Variants in RNFT2 observed in about 807,000 individuals in gnomAD.
RNFT2 encodes ring finger protein, transmembrane 2, also known as E3 ubiquitin-protein ligase RNFT2.
Under a neutral mutation model 53.0 loss-of-function variants are expected in RNFT2, and 36 were observed. The observed-to-expected ratio is 0.68, with a 90% CI of 0.52 to 0.90. The LOEUF (loss-of-function observed/expected upper bound fraction) is 0.90, where lower values mean the gene tolerates loss of function less well. Among genes scored for constraint, RNFT2 ranks in the 40% least tolerant of loss-of-function variants. The pLI is 0.00. For missense variants in RNFT2, 514 were observed against 585.6 expected, an observed-to-expected ratio of 0.88 and a Z score of 1.26; for synonymous variants, 260 against 253.2, an observed-to-expected ratio of 1.03 and a Z score of -0.26.
chr12:116,776,297 G>C (rs1229609311), intron 6 of RNFT2, among the ~76,000 whole-genome samples: 2 of 152,082 alleles, frequency 1.3e-5, no homozygotes, highest in African/African-American at 4.8e-5. Flanking sequence ...AGATAAAATG[G>C]AAAGGATAAG....
intron 7 of RNFT2, among the ~76,000 whole-genome samples, chr12:116,829,443 C>G (rs1432925707): frequency 6.6e-6 from 1 of 152,104 alleles, no homozygotes; most frequent in African/African-American, 2.4e-5. Context: ...AAGGAGGGCC[C>G]TTTGGGAAAC....
chr12:116,767,038 C>T (rs1051368325), intron 6 of RNFT2, 124 bp downstream of exon 6: 1 of 641,448 alleles, frequency 1.6e-6, no homozygotes, highest in Admixed American at 2.4e-5. Context: ...CCAAATTCCA[C>T]CCTGCTGTTA....
At chr12:116,780,268 C>A (rs1239020914) in intron 7 of RNFT2, among the ~76,000 whole-genome samples, 1 of 152,160 alleles carries the variant, frequency 6.6e-6, no homozygotes, top group African/African-American at 2.4e-5. Context: ...CACCAGGAAC[C>A]GGTTTCATGG....
At chr12:116,806,491 A>G (rs1565866006) in intron 7 of RNFT2, among the ~76,000 whole-genome samples, 1 of 151,730 alleles carries the variant, frequency 6.6e-6, no homozygotes, top group African/African-American at 2.4e-5. Flanking sequence ...GGCCAGGCAC[A>G]GTGTTTCACA....
intron 7 of RNFT2, among the ~76,000 whole-genome samples, chr12:116,804,906 G>A (rs897268663): frequency 6.6e-6 from 1 of 152,210 alleles, no homozygotes; most frequent in African/African-American, 2.4e-5. Context: ...AGTAGAGGCT[G>A]CAGTGATCCA....
chr12:116,833,446 A>G (rs905665442), intron 7 of RNFT2, among the ~76,000 whole-genome samples: 1 of 152,096 alleles, frequency 6.6e-6, no homozygotes, highest in Non-Finnish European at 1.5e-5. Flanking sequence ...CTGTGCCCCC[A>G]CCTTGGGCTT....
intron 7 of RNFT2, among the ~76,000 whole-genome samples, chr12:116,814,110 G>A (rs974218273): frequency 6.6e-5 from 10 of 152,132 alleles, no homozygotes; most frequent in African/African-American, 2.4e-4. Flanking sequence ...GATGATGATA[G>A]TCATTGTCAT....
Position 116,740,431 on chromosome 12 carries a change from G to C in RNFT2, c.-67G>C. On this transcript the variant is annotated 5_prime_UTR_variant, in exon 2 of 11. Transcript: ENST00000257575. ...AGGCCTGTCCTCTCTGGGATCCATT[G>C]GTCACATCCCCCTGAGGATTCCCGA... is the stretch of plus-strand genomic sequence containing the variant. The C allele has an allele frequency of 1.3e-6, 2 of 1,485,742 alleles. No homozygotes were observed. The highest frequency in any genetic ancestry group is 1.4e-5 in the African/African-American group (1 of 72,042). 92.0% of individuals were successfully genotyped at this position (1,485,742 alleles called of 1,614,324 possible).
At chr12:116,765,689 CTG>C (rs1313349381) in intron 5 of RNFT2, among the ~76,000 whole-genome samples, 17 of 152,118 alleles carry the variant, frequency 1.1e-4, no homozygotes, top group African/African-American at 2.4e-5. Flanking sequence ...AAACAGCAAA[CTG>C]AGGATTTCCA....
Position 116,750,094 on chromosome 12 carries a change from C to A in RNFT2, c.337C>A (p.His113Asn), listed in dbSNP as rs774569513. The change falls in exon 4 of 11, where the codon CAC becomes AAC. Residue 113 changes from histidine (H) to asparagine (N), a missense_variant. By Grantham distance (68) the His-to-Asn change is moderately conservative. This residue lies in a region of RNFT2 where 237 missense variants were observed against 235.1 expected (regional missense o/e 1.01). Coordinates refer to ENST00000257575, the MANE Select transcript of RNFT2 (RefSeq NM_001382266.1). ...EGGAYHHRQPHHHFHHGGHRG... is the reference protein window; with the variant it reads ...EGGAYHHRQPNHHFHHGGHRG... ...GGGCGCCTACCACCACCGCCAGCCC[C>A]ACCACCATTTCCACCATGGCGGCCA... 6.4e-7 allele frequency: 1 copy of A among 1,554,872 alleles called. No individual in the cohort carries two copies. Among genetic ancestry groups the A allele is most frequent in the East Asian group, 2.4e-5 (1 of 42,298 alleles).
At chr12:116,820,443 C>T (rs1398772956) in intron 7 of RNFT2, among the ~76,000 whole-genome samples, 1 of 152,160 alleles carries the variant, frequency 6.6e-6, no homozygotes, top group East Asian at 1.9e-4. Context: ...TTCAAGTGCT[C>T]CATAGCGACA....
chr12:116,756,519 T>C (rs1157090620), intron 5 of RNFT2, among the ~76,000 whole-genome samples: 1 of 152,204 alleles, frequency 6.6e-6, no homozygotes, highest in African/African-American at 2.4e-5. Context: ...GCCATTTTGC[T>C]GAGAGTTTTA....
At chr12:116,821,707 G>A (rs1006582518) in intron 7 of RNFT2, among the ~76,000 whole-genome samples, 7 of 149,704 alleles carry the variant, frequency 4.7e-5, no homozygotes, top group Admixed American at 1.3e-4. Context: ...TTTTCCACAT[G>A]TGGAAGGAGG....
intron 7 of RNFT2, among the ~76,000 whole-genome samples, chr12:116,794,489 G>T (rs12815898): frequency 6.7e-6 from 1 of 149,936 alleles, no homozygotes; most frequent in Non-Finnish European, 1.5e-5. Context: ...TCCCAGCTAC[G>T]CGGGAGGCTG....
rs971328116 is a variant in RNFT2 at position 116,853,565 on chromosome 12, G to T, written c.*4117G>T. The T allele has an allele frequency of 1.1e-5, 2 of 189,716 alleles. No individual in the cohort carries two copies. Among genetic ancestry groups the T allele is most frequent in the Non-Finnish European group, 2.2e-5 (2 of 92,948 alleles). The allele number at this position is 189,716 out of a possible 1,614,324, so 11.8% of individuals were successfully genotyped here. Reference sequence around the variant, plus strand: ...TAGGACTTCTGCTGTAGGACAAACAGCTGCCTTTGGTGTTTTAATGTCTCC... The same window carrying T: ...TAGGACTTCTGCTGTAGGACAAACATCTGCCTTTGGTGTTTTAATGTCTCC... On this transcript the variant is annotated 3_prime_UTR_variant, in exon 11 of 11. Transcript: ENST00000257575.
At chr12:116,836,905 G>C (rs1293811388) in intron 10 of RNFT2, among the ~76,000 whole-genome samples, 1 of 151,828 alleles carries the variant, frequency 6.6e-6, no homozygotes, top group Non-Finnish European at 1.5e-5. Context: ...ACTCCAGCCT[G>C]GGCAACAGAG....
chr12:116,776,826 G>C (rs1412463907), intron 6 of RNFT2, among the ~76,000 whole-genome samples: 1 of 151,906 alleles, frequency 6.6e-6, no homozygotes, highest in Non-Finnish European at 1.5e-5. Flanking sequence ...GTTGAGTACT[G>C]GTTCCAATCT....
intron 7 of RNFT2, among the ~76,000 whole-genome samples, chr12:116,812,280 T>C (rs1254975473): frequency 1.3e-5 from 2 of 152,002 alleles, no homozygotes; most frequent in Admixed American, 1.3e-4. Flanking sequence ...CCGACATAAA[T>C]ACACACTGAG....
At position 116,755,334 on chromosome 12, in the gene RNFT2, A is replaced by G. The variant is rs187551349; in HGVS notation, c.627+1274A>G. The G allele has an allele frequency of 7.0e-4, 488 of 702,026 alleles. 1 individual carries two copies. In the African/African-American group the frequency reaches 7.9e-3, roughly 11 times the overall value. 43.5% of individuals were successfully genotyped at this position (702,026 alleles called of 1,614,324 possible). A position where few individuals can be genotyped will look rare whatever the true frequency, so the allele number is the denominator to read the frequency against. ...GTTCTCTATTCTGTTCCATTGGTCT[A>G]TGTCCCTATTTTTTTTTATAGCCCA... On this transcript the variant is annotated intron_variant, in intron 5 of 10. Transcript: ENST00000257575.
Sources: gnomAD v4.1 joint callset for allele counts (sites outside exome capture counted in the v4.1 genomes callset) on GRCh38, gnomAD v4.1.1 for gene constraint, gnomAD v4.1.1 regional missense constraint, MANE v1.5 for transcripts, NCBI Gene and HGNC (gene_info 2026-07-23, HGNC 2026-07-21) for gene names.